The following ENTREP2 variants were observed in gnomAD, a reference collection of about 807,000 sequenced individuals.
ENTREP2 encodes endosomal transmembrane epsin interactor 2, also known as protein ENTREP2.
chr15:29,463,681 G>A, the ENTREP2 span, among the ~76,000 whole-genome samples: 4 of 152,124 alleles, frequency 2.6e-5, no homozygotes, highest in South Asian at 4.1e-4. Flanking sequence ...TGATTTCCAT[G>A]TGACACAGCA....
At chr15:29,479,430 A>T in the ENTREP2 span, among the ~76,000 whole-genome samples, 1 of 151,984 alleles carries the variant, frequency 6.6e-6, no homozygotes, top group Non-Finnish European at 1.5e-5. Context: ...CTTTATAGCG[A>T]CACAAGAAGG....
chr15:29,275,352 CA>C, the ENTREP2 span, among the ~76,000 whole-genome samples: 1 of 152,274 alleles, frequency 6.6e-6, no homozygotes, highest in East Asian at 1.9e-4. Flanking sequence ...AATATATTTT[CA>C]ATGAAGTTTA....
chr15:29,672,354 G>C, the ENTREP2 span, among the ~76,000 whole-genome samples: 4 of 152,100 alleles, frequency 2.6e-5, no homozygotes, highest in African/African-American at 9.7e-5. Context: ...TTATTTTTAA[G>C]GTCTTCTTTT....
the ENTREP2 span, among the ~76,000 whole-genome samples, chr15:29,356,526 T>C: frequency 3.3e-5 from 5 of 151,208 alleles, no homozygotes; most frequent in South Asian, 8.4e-4. Flanking sequence ...AGGATGGTCT[T>C]GATCTCCTGA....
chr15:29,331,770 A>C, the ENTREP2 span, among the ~76,000 whole-genome samples: 2 of 152,336 alleles, frequency 1.3e-5, no homozygotes, highest in East Asian at 3.9e-4. Flanking sequence ...AAAGAAAATA[A>C]AGCACAAAAG....
the ENTREP2 span, among the ~76,000 whole-genome samples, chr15:29,264,785 A>C: frequency 1.3e-5 from 2 of 152,224 alleles, no homozygotes; most frequent in Non-Finnish European, 2.9e-5. Context: ...ATCTCTAAGT[A>C]AATTAGCATA....
At chr15:29,394,540 TA>T in the ENTREP2 span, among the ~76,000 whole-genome samples, 20 of 152,216 alleles carry the variant, frequency 1.3e-4, 2 homozygotes, top group Admixed American at 8.5e-4. Context: ...ATTAGGGTTT[TA>T]AAAAATTATT....
chr15:29,616,008 C>T, the ENTREP2 span, among the ~76,000 whole-genome samples: 1 of 152,178 alleles, frequency 6.6e-6, no homozygotes, highest in Non-Finnish European at 1.5e-5. Flanking sequence ...CACCCCGGTT[C>T]ACAGAGCAGC....
At chr15:29,412,903 T>C in the ENTREP2 span, among the ~76,000 whole-genome samples, 3 of 152,064 alleles carry the variant, frequency 2.0e-5, no homozygotes, top group Non-Finnish European at 2.9e-5. Flanking sequence ...TTCTTATGTA[T>C]TGTGTTCTTT....
the ENTREP2 span, among the ~76,000 whole-genome samples, chr15:29,432,945 C>T: frequency 6.6e-6 from 1 of 152,230 alleles, no homozygotes; most frequent in South Asian, 2.1e-4. Context: ...TATTCTCTAC[C>T]TGCTCATCGC....
At chr15:29,406,982 C>A in the ENTREP2 span, among the ~76,000 whole-genome samples, 1 of 152,192 alleles carries the variant, frequency 6.6e-6, no homozygotes. Context: ...AAAATCACAT[C>A]ACAATATGTA....
chr15:29,532,042 T>C, the ENTREP2 span, among the ~76,000 whole-genome samples: 1 of 152,236 alleles, frequency 6.6e-6, no homozygotes, highest in Non-Finnish European at 1.5e-5. Context: ...ACTTAAAATC[T>C]ACTCAGCAAT....
At chr15:29,485,916 G>A in the ENTREP2 span, among the ~76,000 whole-genome samples, 1 of 152,158 alleles carries the variant, frequency 6.6e-6, no homozygotes, top group Non-Finnish European at 1.5e-5. Context: ...TGGTGAGAAT[G>A]TAAATTAGTA....
At chr15:29,149,275 A>G in the ENTREP2 span, among the ~76,000 whole-genome samples, 1 of 152,224 alleles carries the variant, frequency 6.6e-6, no homozygotes, top group Non-Finnish European at 1.5e-5. Context: ...GAACCTTTCC[A>G]AAGAACTCGA....
At chr15:29,166,949 A>C in the ENTREP2 span, among the ~76,000 whole-genome samples, 3 of 152,230 alleles carry the variant, frequency 2.0e-5, no homozygotes, top group Non-Finnish European at 4.4e-5. Flanking sequence ...GCAAAACAGC[A>C]TGGTACTAGT....
At chr15:29,579,539 A>C in the ENTREP2 span, among the ~76,000 whole-genome samples, 2 of 99,168 alleles carry the variant, frequency 2.0e-5, no homozygotes, top group Non-Finnish European at 4.0e-5. Flanking sequence ...TTTTTTTTTG[A>C]GATGGAGTCT....
At chr15:29,276,995 T>C in the ENTREP2 span, among the ~76,000 whole-genome samples, 1 of 152,202 alleles carries the variant, frequency 6.6e-6, no homozygotes, top group African/African-American at 2.4e-5. Context: ...TTTTAGTTGG[T>C]GGCAACAGGG....
At chr15:29,667,332 C>T in the ENTREP2 span, among the ~76,000 whole-genome samples, 99 of 151,348 alleles carry the variant, frequency 6.5e-4, no homozygotes, top group South Asian at 3.6e-3. Context: ...GGACTACAGG[C>T]GCCCACCACC....
chr15:29,389,303 G>C, the ENTREP2 span, among the ~76,000 whole-genome samples: 1 of 152,106 alleles, frequency 6.6e-6, no homozygotes. Flanking sequence ...CGTTATGGCA[G>C]CCTAAGTAGA....
Sources: gnomAD v4.1 joint callset for allele counts (sites outside exome capture counted in the v4.1 genomes callset) on GRCh38, gnomAD v4.1.1 for gene constraint, MANE v1.5 for transcripts, NCBI Gene and HGNC (gene_info 2026-07-23, HGNC 2026-07-21) for gene names.